Variants in RAD51 observed in about 807,000 individuals in gnomAD.
RAD51 encodes RAD51 recombinase, also known as DNA repair protein RAD51 homolog 1.
Under a neutral mutation model 41.5 loss-of-function variants are expected in RAD51, and 14 were observed. The ratio of observed to expected loss-of-function variants is 0.34; its 90% CI spans 0.22 to 0.53. The LOEUF (loss-of-function observed/expected upper bound fraction) is 0.53, where lower values mean the gene tolerates loss of function less well. Ranked by LOEUF, RAD51 falls within the 20% of genes least tolerant of loss-of-function variation. The pLI, the probability that RAD51 is intolerant of heterozygous loss-of-function variation, is 0.95. For synonymous variants in RAD51, 136 were observed against 148.6 expected (o/e 0.92, Z 0.62); for missense variants, 234 against 422.0 (o/e 0.55, Z 3.90).
chr15:40,728,176 G>A (rs1896685069), intron 6 of RAD51, among the ~76,000 whole-genome samples: 1 of 152,062 alleles, frequency 6.6e-6, no homozygotes, highest in Non-Finnish European at 1.5e-5. Flanking sequence ...GAATAGGTTT[G>A]ATTTAGGTCA....
chr15:40,701,545 A>T (rs1411010939), intron 3 of RAD51, among the ~76,000 whole-genome samples: 1 of 151,372 alleles, frequency 6.6e-6, no homozygotes, highest in African/African-American at 2.4e-5. Flanking sequence ...ATGCCGGGGT[A>T]GTCTCGAACT....
intron 1 of RAD51, among the ~76,000 whole-genome samples, chr15:40,697,122 CAG>C (rs1224413756): frequency 6.6e-6 from 1 of 152,038 alleles, no homozygotes; most frequent in African/African-American, 2.4e-5. Context: ...CCTTTTGAGA[CAG>C]AGTTTGGCTC....
intron 6 of RAD51, among the ~76,000 whole-genome samples, chr15:40,720,104 A>G (rs991105090): frequency 2.0e-5 from 3 of 152,120 alleles, no homozygotes; most frequent in African/African-American, 4.8e-5. Flanking sequence ...GCTAAAGGGC[A>G]TCTGTGAAAA....
intron 6 of RAD51, 135 bp from the exon 7 acceptor site, chr15:40,728,576 T>TA (rs1896707719): frequency 2.5e-6 from 2 of 803,472 alleles, no homozygotes; most frequent in South Asian, 2.7e-5. Flanking sequence ...GAAAGGGAAA[T>TA]ACATTCTTTG....
At chr15:40,697,196 G>A (rs1044287756) in intron 1 of RAD51, among the ~76,000 whole-genome samples, 2 of 152,178 alleles carry the variant, frequency 1.3e-5, no homozygotes, top group African/African-American at 4.8e-5. Context: ...CGCCTCCCGG[G>A]TTCAAGCGAT....
chr15:40,728,652 A>G (rs1442485958), intron 6 of RAD51, 59 bp from the exon 7 acceptor site: 1 of 1,392,282 alleles, frequency 7.2e-7, no homozygotes, highest in South Asian at 1.2e-5. Flanking sequence ...GTCAGAAACA[A>G]ATTGCTCATC....
chr15:40,698,004 C>T (rs1489544122), intron 1 of RAD51, among the ~76,000 whole-genome samples: 1 of 152,130 alleles, frequency 6.6e-6, no homozygotes, highest in African/African-American at 2.4e-5. Flanking sequence ...GTATACATTA[C>T]ATTAGTGTTT....
chr15:40,731,507 C>CAAGAG lies in RAD51; in HGVS notation c.*332_*336dup. On this transcript the variant is annotated 3_prime_UTR_variant, in exon 10 of 10. Transcript: ENST00000267868. ...TGTCTACTGGACAATCTTATGTTTC[C>CAAGAG]AAGAGAACTAAAGCTGGAGAGACCT... 1 of 387,960 alleles carries CAAGAG rather than the reference C, an allele frequency of 2.6e-6. No individual in the cohort carries two copies. The highest frequency in any genetic ancestry group is 4.2e-5 in the East Asian group (1 of 23,798). 24.0% of individuals were successfully genotyped at this position (387,960 alleles called of 1,614,324 possible). A position where few individuals can be genotyped will look rare whatever the true frequency, so the allele number is the denominator to read the frequency against.
Position 40,731,269 on chromosome 15 carries a change from G to A in RAD51, c.*91G>A, listed in dbSNP as rs1896864952. On this transcript the variant is annotated 3_prime_UTR_variant, in exon 10 of 10. Transcript: ENST00000267868. ...TGGGGTTCTCTACAGGCCTCTTCCTGTTGTGACTGCCAGGATAAAGCTTCC... is the reference window on the plus strand; with the variant it reads ...TGGGGTTCTCTACAGGCCTCTTCCTATTGTGACTGCCAGGATAAAGCTTCC... 2 of 1,557,342 alleles carry A rather than the reference G, an allele frequency of 1.3e-6. No homozygotes were observed. The highest frequency in any genetic ancestry group is 2.2e-5 in the South Asian group (2 of 89,020).
At chr15:40,706,547 G>A (rs1215914866) in intron 4 of RAD51, among the ~76,000 whole-genome samples, 1 of 152,074 alleles carries the variant, frequency 6.6e-6, no homozygotes, top group Non-Finnish European at 1.5e-5. Context: ...AAATTAGTTG[G>A]GCATGGTGGC....
intron 3 of RAD51, among the ~76,000 whole-genome samples, chr15:40,703,397 A>G (rs1235769937): frequency 1.3e-5 from 2 of 152,198 alleles, no homozygotes; most frequent in African/African-American, 4.8e-5. Flanking sequence ...TTTTAAATGA[A>G]ATATTAAGTA....
chr15:40,731,244 T>C lies in RAD51; in HGVS notation c.*66T>C. 1 of 1,603,760 alleles carries C rather than the reference T, an allele frequency of 6.2e-7. No individual in the cohort carries two copies. The highest frequency in any genetic ancestry group is 1.1e-5 in the South Asian group (1 of 90,648). Reference sequence around the variant, plus strand: ...AGCCTAATGAGAGTGCACTGCTCCCTGGGGTTCTCTACAGGCCTCTTCCTG... The same window carrying C: ...AGCCTAATGAGAGTGCACTGCTCCCCGGGGTTCTCTACAGGCCTCTTCCTG... On this transcript the variant is annotated 3_prime_UTR_variant, in exon 10 of 10. Coordinates refer to ENST00000267868, the MANE Select transcript of RAD51 (RefSeq NM_002875.5).
At chr15:40,724,924 G>A (rs1487067042) in intron 6 of RAD51, among the ~76,000 whole-genome samples, 1 of 110,080 alleles carries the variant, frequency 9.1e-6, no homozygotes, top group African/African-American at 3.7e-5. Flanking sequence ...ACAGAGTCTC[G>A]CTCTGTCGCC....
rs537647721 is a variant in RAD51 at position 40,707,740 on chromosome 15, CAG to C, written c.344-1282_344-1281del. 9.9e-4 allele frequency among the ~76,000 whole-genome samples: 150 copies of C among 152,136 alleles called. 1 individual carries two copies. Among genetic ancestry groups the C allele is most frequent in the African/African-American group, 4.8e-4 (20 of 41,490 alleles). ...GGTTTGTTTGTTTGTTTTTTAAAGA[CAG>C]AGTCTTGCTCTGTTGCCCAGGCTAG... On this transcript the variant is annotated intron_variant, in intron 4 of 9. Transcript: ENST00000267868.
Position 40,713,645 on chromosome 15 carries a change from C to T in RAD51, c.435+4529C>T, listed in dbSNP as rs374609855. 5.2e-4 allele frequency among the ~76,000 whole-genome samples: 73 copies of T among 141,526 alleles called. No individual in the cohort carries two copies. The East Asian group carries it at 0.011, about 21-fold the overall frequency. The allele number at this position is 141,526 out of a possible 152,430, so 92.8% of individuals were successfully genotyped here. On this transcript the variant is annotated intron_variant, in intron 5 of 9. Transcript: ENST00000267868. ...TTTTTGAGGCGGAGTCTCATTCTGT[C>T]GCCTGGGCTGGAGTGCAGTGGTGCC... is the stretch of plus-strand genomic sequence containing the variant.
chr15:40,700,305 T>C (rs1179196774), intron 2 of RAD51, among the ~76,000 whole-genome samples: 1 of 152,208 alleles, frequency 6.6e-6, no homozygotes, highest in East Asian at 1.9e-4. Context: ...TAAAAGTCCC[T>C]GACAAAAAGT....
At chr15:40,705,780 A>AT (rs1398513027) in intron 3 of RAD51, among the ~76,000 whole-genome samples, 1 of 151,820 alleles carries the variant, frequency 6.6e-6, no homozygotes, top group African/African-American at 2.4e-5. Context: ...AATTTTTTGT[A>AT]TTTTTTTAGT....
intron 6 of RAD51, among the ~76,000 whole-genome samples, chr15:40,726,943 C>T: frequency 6.6e-6 from 1 of 151,346 alleles, no homozygotes; most frequent in East Asian, 2.0e-4. Context: ...ATGGTATTTC[C>T]AGCCAACTTG....
intron 4 of RAD51, among the ~76,000 whole-genome samples, chr15:40,707,757 G>A (rs1006034551): frequency 6.6e-6 from 1 of 151,848 alleles, no homozygotes; most frequent in Non-Finnish European, 1.5e-5. Context: ...TTGCTCTGTT[G>A]CCCAGGCTAG....
Sources: gnomAD v4.1 joint callset for allele counts (sites outside exome capture counted in the v4.1 genomes callset) on GRCh38, gnomAD v4.1.1 for gene constraint, MANE v1.5 for transcripts, NCBI Gene and HGNC (gene_info 2026-07-23, HGNC 2026-07-21) for gene names.